FRMD4A: variants seen among roughly 807,000 people sequenced by gnomAD.
The protein encoded by FRMD4A is FERM domain-containing protein 4A.
FRMD4A carries 29 observed loss-of-function variants against 129.1 expected under a neutral mutation model. That is an observed-to-expected ratio of 0.22 (90% confidence interval 0.17 to 0.31). The LOEUF is 0.31. Among genes scored for constraint, FRMD4A ranks in the 10% least tolerant of loss-of-function variants. The pLI, the probability that FRMD4A is intolerant of heterozygous loss-of-function variation, is 1.00. For synonymous variants in FRMD4A, 634 were observed against 571.6 expected, an observed-to-expected ratio of 1.11 and a Z score of -1.56; for missense variants, 1,272 against 1,375.8, an observed-to-expected ratio of 0.92 and a Z score of 1.19.
At chr10:13,882,821 TTTGA>T (rs1564967300) in intron 2 of FRMD4A, among the ~76,000 whole-genome samples, 1 of 107,306 alleles carries the variant, frequency 9.3e-6, no homozygotes. Context: ...TTTTTTTTTT[TTTGA>T]GACACACTCG....
intron 2 of FRMD4A, among the ~76,000 whole-genome samples, chr10:13,960,870 G>A (rs1162883785): frequency 6.6e-6 from 1 of 152,044 alleles, no homozygotes; most frequent in Non-Finnish European, 1.5e-5. Context: ...TAAGTGAAGG[G>A]GACACTGAAC....
chr10:13,951,885 G>A (rs991609778), intron 2 of FRMD4A, among the ~76,000 whole-genome samples: 2 of 70,220 alleles, frequency 2.8e-5, no homozygotes, highest in African/African-American at 4.9e-5. Context: ...GTGAGACTCT[G>A]TCTCAAATAA....
At chr10:13,679,170 T>G (rs1305069316) in intron 15 of FRMD4A, among the ~76,000 whole-genome samples, 1 of 151,434 alleles carries the variant, frequency 6.6e-6, no homozygotes, top group African/African-American at 2.4e-5. Flanking sequence ...ACGCTTGTAA[T>G]CCCAGCACTT....
intron 2 of FRMD4A, among the ~76,000 whole-genome samples, chr10:13,989,846 G>A (rs1414350122): frequency 6.6e-6 from 1 of 152,218 alleles, no homozygotes; most frequent in Non-Finnish European, 1.5e-5. Context: ...CATGGAACAT[G>A]CTTAGATGAA....
rs2131069575 is a variant in FRMD4A at position 13,867,394 on chromosome 10, G to A, written c.46-8482C>T. ...TCCCACCTCAGCCTCCCAAGTAGCT[G>A]GGATTACAGACGCAAATCTCCACAC... On this transcript the variant is annotated intron_variant, in intron 2 of 24. Transcript: ENST00000357447. 2.6e-5 allele frequency among the ~76,000 whole-genome samples: 4 copies of A among 151,546 alleles called. 1 individual carries two copies. The South Asian group carries it at 8.3e-4, about 32-fold the overall frequency.
intron 13 of FRMD4A, among the ~76,000 whole-genome samples, chr10:13,703,274 T>A (rs938881495): frequency 6.6e-6 from 1 of 152,194 alleles, no homozygotes; most frequent in African/African-American, 2.4e-5. Context: ...TCTCCTGCTC[T>A]ATCATTACTT....
intron 2 of FRMD4A, among the ~76,000 whole-genome samples, chr10:14,059,258 G>T (rs1467676895): frequency 1.3e-5 from 2 of 152,116 alleles, no homozygotes; most frequent in African/African-American, 4.8e-5. Flanking sequence ...CCTAAATGAA[G>T]AATAATGTAC....
At chr10:14,228,047 T>A (rs1027988740) in intron 2 of FRMD4A, among the ~76,000 whole-genome samples, 1 of 152,148 alleles carries the variant, frequency 6.6e-6, no homozygotes, top group Non-Finnish European at 1.5e-5. Flanking sequence ...CTAATTTTGA[T>A]ATTTTTAGTA....
chr10:14,327,114 G>T (rs1360930193), intron 2 of FRMD4A: 6 of 396,676 alleles, frequency 1.5e-5, no homozygotes, highest in Non-Finnish European at 2.2e-5. Context: ...CCCAGCCCTA[G>T]CTTGAAAAGG....
At chr10:14,231,915 G>A (rs1291233146) in intron 2 of FRMD4A, among the ~76,000 whole-genome samples, 1 of 152,144 alleles carries the variant, frequency 6.6e-6, no homozygotes, top group Non-Finnish European at 1.5e-5. Flanking sequence ...CTTTTTCTGT[G>A]CAGAAGCTCT....
At chr10:14,323,089 C>G (rs1843129240) in intron 2 of FRMD4A, among the ~76,000 whole-genome samples, 1 of 152,204 alleles carries the variant, frequency 6.6e-6, no homozygotes, top group African/African-American at 2.4e-5. Context: ...CACATGGCCA[C>G]AGGAACATCT....
At chr10:14,264,469 C>T (rs1226389738) in intron 2 of FRMD4A, among the ~76,000 whole-genome samples, 1 of 152,184 alleles carries the variant, frequency 6.6e-6, no homozygotes, top group African/African-American at 2.4e-5. Flanking sequence ...GCCAATGACC[C>T]ATTTATTGCC....
At chr10:13,798,654 T>C (rs1047706546) in intron 4 of FRMD4A, among the ~76,000 whole-genome samples, 11 of 152,126 alleles carry the variant, frequency 7.2e-5, no homozygotes, top group Admixed American at 6.5e-4. Flanking sequence ...GAGGTGGAGC[T>C]TGCAGTGAGC....
rs995854947 is a variant in FRMD4A, at chr10:13,646,417, C to G, written c.*621G>C. ...ACTTCCTTTCTCAACCTCCCCTTCC[C>G]CCATAGCCATCCCCACAAGCTGTCC... is the stretch of plus-strand genomic sequence containing the variant. On this transcript the variant is annotated 3_prime_UTR_variant, in exon 25 of 25. Coordinates refer to ENST00000357447, the MANE Select transcript of FRMD4A (RefSeq NM_018027.5). 6.6e-6 allele frequency: 1 copy of G among 152,552 alleles called. No homozygotes were observed. Among genetic ancestry groups the G allele is most frequent in the African/African-American group, 2.4e-5 (1 of 41,442 alleles). 9.4% of individuals were successfully genotyped at this position (152,552 alleles called of 1,614,324 possible).
In FRMD4A at chr10:14,103,546, C is replaced by G. The variant is rs7086843; in HGVS notation, c.45+226512G>C. ...TTAACTACCTGCAGACTGTTTTTGT[C>G]GCAAAAGAGAAATAAATATCTATCC... On this transcript the variant is annotated intron_variant, in intron 2 of 24. Transcript: ENST00000357447. Among the ~76,000 whole-genome samples, 21 of 151,898 alleles carry G rather than the reference C, an allele frequency of 1.4e-4. No individual in the cohort carries two copies. In the East Asian group the frequency reaches 4.1e-3, roughly 29 times the overall value.
At chr10:14,325,029 A>C (rs35974096) in intron 2 of FRMD4A, among the ~76,000 whole-genome samples, 8 of 152,166 alleles carry the variant, frequency 5.3e-5, no homozygotes, top group Non-Finnish European at 1.0e-4. Flanking sequence ...CTGGACCCCA[A>C]CTTCACCATA....
At chr10:14,034,816 A>T (rs941663774) in intron 2 of FRMD4A, among the ~76,000 whole-genome samples, 1 of 152,196 alleles carries the variant, frequency 6.6e-6, no homozygotes. Flanking sequence ...AGAGAAAAGG[A>T]TGCCTCCCCT....
intron 2 of FRMD4A, among the ~76,000 whole-genome samples, chr10:14,139,484 C>T (rs527373437): frequency 6.6e-6 from 1 of 151,832 alleles, no homozygotes; most frequent in South Asian, 2.1e-4. Flanking sequence ...GGGTCTCACT[C>T]TGTCACCAAG....
At chr10:14,301,334 C>G (rs1196740308) in intron 2 of FRMD4A, among the ~76,000 whole-genome samples, 1 of 152,180 alleles carries the variant, frequency 6.6e-6, no homozygotes, top group East Asian at 1.9e-4. Flanking sequence ...ACTAATGAAC[C>G]TGAAGGTGGT....
Sources: allele counts gnomAD v4.1 joint callset (sites outside exome capture counted in the v4.1 genomes callset), GRCh38; gene constraint gnomAD v4.1.1; transcripts MANE v1.5; gene names NCBI Gene and HGNC (gene_info 2026-07-23, HGNC 2026-07-21).